LINGO2: variants seen among roughly 807,000 people sequenced by gnomAD.
LINGO2 encodes the protein leucine-rich repeat and immunoglobulin-like domain-containing nogo receptor-interacting protein 2.
LINGO2 carries 14 observed loss-of-function variants against 30.6 expected under a neutral mutation model. That is an observed-to-expected ratio of 0.46 (90% CI 0.30 to 0.72). The LOEUF (loss-of-function observed/expected upper bound fraction) is 0.72. Among genes scored for constraint, LINGO2 ranks in the 30% least tolerant of loss-of-function variants. LINGO2 has a pLI of 0.07. For synonymous variants in LINGO2, 317 were observed against 288.5 expected (o/e 1.10, Z -1.00); for missense variants, 729 against 751.7 (o/e 0.97, Z 0.35).
intron 1 of LINGO2, among the ~76,000 whole-genome samples, chr9:28,607,531 G>T (rs549506471): frequency 6.6e-6 from 1 of 152,146 alleles, no homozygotes; most frequent in South Asian, 2.1e-4. Context: ...TGACTCCAAA[G>T]TATGCCATAG....
chr9:29,079,589 A>T, the LINGO2 span, among the ~76,000 whole-genome samples: 1 of 151,942 alleles, frequency 6.6e-6, no homozygotes, highest in East Asian at 1.9e-4. Flanking sequence ...TGAGAAGCCT[A>T]TGGAAAATAT....
chr9:28,618,828 G>T (rs1425614050), intron 1 of LINGO2, among the ~76,000 whole-genome samples: 1 of 151,924 alleles, frequency 6.6e-6, no homozygotes, highest in African/African-American at 2.4e-5. Context: ...TCTGTATCTG[G>T]CACATAAAAT....
the LINGO2 span, among the ~76,000 whole-genome samples, chr9:28,877,073 C>T: frequency 6.6e-6 from 1 of 150,552 alleles, no homozygotes; most frequent in Non-Finnish European, 1.5e-5. Context: ...CTGTTCATGT[C>T]CTTCACCCAC....
chr9:28,437,597 A>C (rs1049339908), intron 2 of LINGO2, among the ~76,000 whole-genome samples: 2 of 151,048 alleles, frequency 1.3e-5, no homozygotes, highest in Non-Finnish European at 2.9e-5. Context: ...ACACACCCAC[A>C]CACACACATA....
chr9:28,692,445 A>C, the LINGO2 span, among the ~76,000 whole-genome samples: 9 of 152,150 alleles, frequency 5.9e-5, no homozygotes, highest in Non-Finnish European at 1.3e-4. Context: ...AGTTCACTTA[A>C]GCCTGGGCAA....
At chr9:28,809,488 G>A in the LINGO2 span, among the ~76,000 whole-genome samples, 7 of 152,204 alleles carry the variant, frequency 4.6e-5, no homozygotes, top group South Asian at 2.1e-4. Context: ...GCTCACGCCT[G>A]TAATCCCAGC....
chr9:28,915,408 G>A, the LINGO2 span, among the ~76,000 whole-genome samples: 1 of 152,074 alleles, frequency 6.6e-6, no homozygotes, highest in Non-Finnish European at 1.5e-5. Flanking sequence ...CTGGGGTGTG[G>A]CTTGAGAATC....
At chr9:28,558,953 T>G (rs2135541456) in intron 1 of LINGO2, among the ~76,000 whole-genome samples, 1 of 152,100 alleles carries the variant, frequency 6.6e-6, no homozygotes, top group South Asian at 2.1e-4. Context: ...ATAAAGAGAT[T>G]TAGAGAAAAA....
chr9:28,037,300 C>G (rs1299711456), intron 4 of LINGO2, among the ~76,000 whole-genome samples: 1 of 152,212 alleles, frequency 6.6e-6, no homozygotes, highest in African/African-American at 2.4e-5. Flanking sequence ...CTAAGTTGCT[C>G]TAGCACCATC....
intron 2 of LINGO2, among the ~76,000 whole-genome samples, chr9:28,395,894 C>T (rs1041531242): frequency 6.6e-5 from 10 of 152,094 alleles, no homozygotes; most frequent in African/African-American, 2.2e-4. Flanking sequence ...ATTTCAGCAA[C>T]CTTTTTCTGT....
the LINGO2 span, among the ~76,000 whole-genome samples, chr9:28,989,550 T>C: frequency 2.6e-5 from 4 of 152,194 alleles, no homozygotes; most frequent in East Asian, 7.7e-4. Context: ...TAATTCACTA[T>C]ATGATTTTAG....
chr9:28,103,643 T>G (rs1476543146), intron 4 of LINGO2, among the ~76,000 whole-genome samples: 14 of 152,146 alleles, frequency 9.2e-5, no homozygotes, highest in Admixed American at 9.2e-4. Context: ...GCAGAACTAT[T>G]TAGCTTAGCC....
chr9:28,839,620 C>G, the LINGO2 span, among the ~76,000 whole-genome samples: 8 of 152,220 alleles, frequency 5.3e-5, no homozygotes, highest in East Asian at 1.6e-3. Flanking sequence ...ACATCTACCC[C>G]AGTCTAGCTG....
At chr9:28,915,927 C>A in the LINGO2 span, among the ~76,000 whole-genome samples, 1 of 152,122 alleles carries the variant, frequency 6.6e-6, no homozygotes, top group African/African-American at 2.4e-5. Context: ...CTCTGATAAA[C>A]GGTCGCGAAT....
intron 1 of LINGO2, among the ~76,000 whole-genome samples, chr9:28,662,086 G>C (rs1186760922): frequency 6.6e-6 from 1 of 152,166 alleles, no homozygotes; most frequent in Non-Finnish European, 1.5e-5. Flanking sequence ...TCTGACAGTT[G>C]ATTGGTGAAT....
chr9:28,031,667 A>G (rs1056202500), intron 4 of LINGO2, among the ~76,000 whole-genome samples: 1 of 152,154 alleles, frequency 6.6e-6, no homozygotes, highest in Non-Finnish European at 1.5e-5. Context: ...TGAGATAATT[A>G]TGATCTGCTC....
intron 4 of LINGO2, among the ~76,000 whole-genome samples, chr9:28,043,670 A>T (rs79434504): frequency 0.011 from 1,615 of 152,278 alleles, 34 homozygotes; most frequent in African/African-American, 0.037. Flanking sequence ...AGTTTCAACA[A>T]TGATCAAATT....
At chr9:27,958,167 G>T (rs959795053) in intron 5 of LINGO2, among the ~76,000 whole-genome samples, 1 of 151,986 alleles carries the variant, frequency 6.6e-6, no homozygotes, top group Non-Finnish European at 1.5e-5. Context: ...AAGTGAGTAC[G>T]GAATGAAAAA....
intron 5 of LINGO2, among the ~76,000 whole-genome samples, chr9:27,995,888 A>G (rs1821636307): frequency 6.6e-6 from 1 of 152,194 alleles, no homozygotes; most frequent in African/African-American, 2.4e-5. Context: ...AGAAAGAGAT[A>G]CAAGGCATCC....
Sources: allele counts gnomAD v4.1 joint callset (sites outside exome capture counted in the v4.1 genomes callset), GRCh38; gene constraint gnomAD v4.1.1; transcripts MANE v1.5; gene names NCBI Gene and HGNC (gene_info 2026-07-23, HGNC 2026-07-21).